The following CNTNAP2 variants were observed in gnomAD, a reference collection of about 807,000 sequenced individuals.
CNTNAP2 encodes the protein contactin associated protein 2, also known as contactin-associated protein-like 2.
In CNTNAP2, 98 loss-of-function variants were observed where a neutral mutation model predicts 155.2. The ratio of observed to expected loss-of-function variants is 0.63; its 90% CI spans 0.54 to 0.75. The LOEUF (loss-of-function observed/expected upper bound fraction) is 0.75. Among genes scored for constraint, CNTNAP2 ranks in the 30% least tolerant of loss-of-function variants. CNTNAP2 has a pLI of 0.00. For missense variants in CNTNAP2, 1,727 were observed against 1,688.1 expected (o/e 1.02, Z -0.40); for synonymous variants, 651 against 631.2 (o/e 1.03, Z -0.47).
At chr7:147,829,407 A>G (rs1352288695) in intron 13 of CNTNAP2, among the ~76,000 whole-genome samples, 1 of 152,228 alleles carries the variant, frequency 6.6e-6, no homozygotes, top group Non-Finnish European at 1.5e-5. Flanking sequence ...TCAATAAGAC[A>G]GATGAGCTAA....
intron 1 of CNTNAP2, among the ~76,000 whole-genome samples, chr7:146,739,106 C>T (rs1202480226): frequency 1.6e-4 from 25 of 151,718 alleles, no homozygotes; most frequent in Non-Finnish European, 5.9e-5. Context: ...TTGATCTTTT[C>T]TATCACTTTT....
chr7:147,348,920 T>A (rs1319390984), intron 9 of CNTNAP2, among the ~76,000 whole-genome samples: 1 of 151,962 alleles, frequency 6.6e-6, no homozygotes, highest in Non-Finnish European at 1.5e-5. Context: ...CACTCATAAG[T>A]GCAAGCTTAA....
chr7:148,304,521 G>T (rs1797454275), intron 21 of CNTNAP2, among the ~76,000 whole-genome samples: 1 of 152,136 alleles, frequency 6.6e-6, no homozygotes, highest in South Asian at 2.1e-4. Flanking sequence ...GCAAAACAAT[G>T]AGTATTTTAG....
At chr7:146,610,261 G>T (rs185484058) in intron 1 of CNTNAP2, among the ~76,000 whole-genome samples, 6 of 152,166 alleles carry the variant, frequency 3.9e-5, no homozygotes, top group African/African-American at 1.2e-4. Flanking sequence ...TCCTAGGAGA[G>T]AGCAGAGCCC....
intron 1 of CNTNAP2, among the ~76,000 whole-genome samples, chr7:146,568,658 C>T (rs1415235887): frequency 2.0e-5 from 3 of 152,066 alleles, no homozygotes; most frequent in Non-Finnish European, 2.9e-5. Context: ...GGTTTCTGTA[C>T]CTCTTCCTCA....
At chr7:146,761,718 G>T (rs1802104389) in intron 1 of CNTNAP2, among the ~76,000 whole-genome samples, 1 of 151,520 alleles carries the variant, frequency 6.6e-6, no homozygotes. Context: ...AACTTACCTT[G>T]CCTCCTCCCT....
intron 17 of CNTNAP2, among the ~76,000 whole-genome samples, chr7:148,156,576 T>C (rs1035024020): frequency 5.3e-5 from 8 of 152,186 alleles, no homozygotes; most frequent in Admixed American, 5.2e-4. Flanking sequence ...ATCCAATGGC[T>C]TCTGATAATA....
At chr7:147,376,367 A>G (rs1171536399) in intron 9 of CNTNAP2, among the ~76,000 whole-genome samples, 1 of 151,840 alleles carries the variant, frequency 6.6e-6, no homozygotes, top group Non-Finnish European at 1.5e-5. Context: ...GAGGGGAGGG[A>G]CCTAGCATTT....
intron 15 of CNTNAP2, among the ~76,000 whole-genome samples, chr7:147,985,650 A>G (rs1801607751): frequency 6.6e-6 from 1 of 152,154 alleles, no homozygotes; most frequent in East Asian, 1.9e-4. Context: ...TTTTCCACTT[A>G]CTGCATCTAT....
At chr7:147,242,505 A>T (rs1803960840) in intron 8 of CNTNAP2, among the ~76,000 whole-genome samples, 1 of 152,176 alleles carries the variant, frequency 6.6e-6, no homozygotes, top group Non-Finnish European at 1.5e-5. Context: ...AGTATGACAG[A>T]AAACGAGTCT....
intron 3 of CNTNAP2, among the ~76,000 whole-genome samples, chr7:146,975,202 T>A (rs773290807): frequency 6.6e-6 from 1 of 151,754 alleles, no homozygotes; most frequent in East Asian, 2.0e-4. Flanking sequence ...CGTTGGCTCA[T>A]GCCTGTAATC....
At chr7:146,504,262 GTATTCCTGC>G (rs71175653) in intron 1 of CNTNAP2, among the ~76,000 whole-genome samples, 10,072 of 152,264 alleles carry the variant, frequency 0.066, 362 homozygotes, top group Non-Finnish European at 0.085. Flanking sequence ...CTCACTACTA[GTATTCCTGC>G]TATGCTGCCC....
At chr7:148,321,005 G>A (rs1222302263) in intron 21 of CNTNAP2, among the ~76,000 whole-genome samples, 2 of 152,174 alleles carry the variant, frequency 1.3e-5, no homozygotes, top group African/African-American at 4.8e-5. Flanking sequence ...AGAGTAAAGA[G>A]AGGTTTCTTC....
intron 10 of CNTNAP2, among the ~76,000 whole-genome samples, chr7:147,442,413 C>A (rs2116551318): frequency 6.6e-6 from 1 of 152,256 alleles, no homozygotes; most frequent in South Asian, 2.1e-4. Flanking sequence ...AAGTGGGCTC[C>A]CCTCTGACCC....
chr7:148,100,222 C>T (rs1459282219), intron 15 of CNTNAP2, among the ~76,000 whole-genome samples: 1 of 152,132 alleles, frequency 6.6e-6, no homozygotes, highest in Non-Finnish European at 1.5e-5. Context: ...CCTTCTCCTT[C>T]CTCTTTCCTT....
rs139285346 is a variant in CNTNAP2 at position 146,533,296 on chromosome 7, A to G, written c.98-240975A>G. Among the ~76,000 whole-genome samples, 284 of 152,240 alleles carry G rather than the reference A, an allele frequency of 1.9e-3. 2 individuals carry two copies. The highest frequency in any genetic ancestry group is 1.0e-3 in the Non-Finnish European group (68 of 68,012). On this transcript the variant is annotated intron_variant, in intron 1 of 23. Transcript: ENST00000361727. ...TGAAGCTCAAACATTGTATATGCCCACATAAATCTACCTATAGGCTAATGT... is the reference window on the plus strand; with the variant it reads ...TGAAGCTCAAACATTGTATATGCCCGCATAAATCTACCTATAGGCTAATGT...
intron 21 of CNTNAP2, among the ~76,000 whole-genome samples, chr7:148,306,931 G>A (rs952335380): frequency 6.6e-6 from 1 of 152,144 alleles, no homozygotes; most frequent in East Asian, 1.9e-4. Flanking sequence ...CACAAATGGG[G>A]CCTGTCACCC....
intron 20 of CNTNAP2, among the ~76,000 whole-genome samples, chr7:148,245,855 G>A (rs894581367): frequency 1.3e-5 from 2 of 152,092 alleles, no homozygotes; most frequent in Admixed American, 1.3e-4. Context: ...AGAAGCGAAT[G>A]TCCATCATCT....
chr7:146,879,932 A>G (rs1426985847), intron 3 of CNTNAP2, among the ~76,000 whole-genome samples: 1 of 152,026 alleles, frequency 6.6e-6, no homozygotes, highest in Non-Finnish European at 1.5e-5. Flanking sequence ...CACATCTTAC[A>G]TGGTGGCAGA....
Sources: allele counts gnomAD v4.1 joint callset (sites outside exome capture counted in the v4.1 genomes callset), GRCh38; gene constraint gnomAD v4.1.1; transcripts MANE v1.5; gene names NCBI Gene and HGNC (gene_info 2026-07-23, HGNC 2026-07-21).